MSANTD2: variants seen among roughly 807,000 people sequenced by gnomAD.
MSANTD2 encodes Myb/SANT DNA binding domain containing 2, also known as myb/SANT-like DNA-binding domain-containing protein 2.
In MSANTD2, 19 loss-of-function variants were observed where a neutral mutation model predicts 52.6. The observed-to-expected ratio is 0.36, with a 90% confidence interval of 0.25 to 0.53. MSANTD2 has a LOEUF of 0.53. MSANTD2 is among the 20% of genes least tolerant of loss of function. The pLI is 0.91. For synonymous variants in MSANTD2, 291 were observed against 289.7 expected (o/e 1.00, Z -0.04); for missense variants, 558 against 716.3 (o/e 0.78, Z 2.52).
In MSANTD2 at chr11:124,800,060, G is replaced by A. The variant is rs1014938226; in HGVS notation, c.321C>T (p.Ala107=). The A allele has an allele frequency of 2.6e-6, 4 of 1,549,824 alleles. No individual in the cohort carries two copies. The highest frequency in any genetic ancestry group is 1.2e-5 in the South Asian group (1 of 85,018). Residue 107 remains alanine (A), a synonymous_variant, in exon 1 of 4, where the codon GCC becomes GCT. Transcript: ENST00000374979. The surrounding 1 kb of genome is among the most constrained non-coding windows in gnomAD (Gnocchi z 4.3). The part of the protein sequence containing the change: ...AACRGMSWTP[A]ETNALIAVWG... ...ACACTGCGATGAGCGCGTTCGTCTC[G>A]GCTGGCGTCCACGACATGCCCCGGC... is the stretch of plus-strand genomic sequence containing the variant.
In MSANTD2 at chr11:124,784,111, T is replaced by G. The variant is rs534997556; in HGVS notation, c.511-9137A>C. The G allele has an allele frequency of 2.9e-5, 29 of 984,368 alleles. No homozygotes were observed. In the African/African-American group the frequency reaches 4.4e-4, roughly 15 times the overall value. The allele number at this position is 984,368 out of a possible 1,614,324, so 61.0% of individuals were successfully genotyped here. A position where few individuals can be genotyped will look rare whatever the true frequency, so the allele number is the denominator to read the frequency against. ...AGGTAGTAGCTACAGTCACCAAAGA[T>G]AGCAGATAACACTATTTGTCTAGAA... On this transcript the variant is annotated intron_variant, in intron 1 of 3. Coordinates refer to ENST00000374979, the MANE Select transcript of MSANTD2 (RefSeq NM_001308027.2).
At chr11:124,797,717 G>A (rs1945539223) in intron 1 of MSANTD2, among the ~76,000 whole-genome samples, 1 of 152,146 alleles carries the variant, frequency 6.6e-6, no homozygotes, top group South Asian at 2.1e-4. Context: ...CTTGTTAACA[G>A]CTACTATGGA....
At chr11:124,773,189 CA>C in intron 2 of MSANTD2, 135 bp from the exon 3 acceptor site, 1 of 588,328 alleles carries the variant, frequency 1.7e-6, no homozygotes, top group Non-Finnish European at 3.0e-6. Flanking sequence ...AAACACTGTC[CA>C]ATGTCAGATT....
At chr11:124,771,576 C>T (rs1380562277) in intron 3 of MSANTD2, among the ~76,000 whole-genome samples, 4 of 152,286 alleles carry the variant, frequency 2.6e-5, no homozygotes, top group Admixed American at 6.5e-5. Flanking sequence ...TCGAGATCAA[C>T]CTGGCCAACA....
At chr11:124,795,905 A>C (rs550403614) in intron 1 of MSANTD2, among the ~76,000 whole-genome samples, 1 of 152,336 alleles carries the variant, frequency 6.6e-6, no homozygotes, top group East Asian at 1.9e-4. Flanking sequence ...TTCTTCTGGC[A>C]AACAAACAAA....
intron 1 of MSANTD2, among the ~76,000 whole-genome samples, chr11:124,796,145 T>G (rs1007189714): frequency 7.9e-5 from 12 of 152,166 alleles, no homozygotes; most frequent in Non-Finnish European, 1.6e-4. Flanking sequence ...AATCCAAGAG[T>G]TAAATTATTA....
At chr11:124,797,946 A>T (rs115700271) in intron 1 of MSANTD2, among the ~76,000 whole-genome samples, 4,717 of 152,288 alleles carry the variant, frequency 0.031, 236 homozygotes, top group African/African-American at 0.1. Context: ...AGAGATTTAT[A>T]TTCAGTGAGG....
At chr11:124,791,868 T>C in intron 1 of MSANTD2, 1 of 423,406 alleles carries the variant, frequency 2.4e-6, no homozygotes, top group Non-Finnish European at 4.5e-6. Flanking sequence ...GCTCTACAGC[T>C]GGAGTGTCTG....
intron 1 of MSANTD2, chr11:124,775,587 AATT>A (rs1944711111): frequency 6.6e-6 from 1 of 152,626 alleles, no homozygotes; most frequent in African/African-American, 2.4e-5. Context: ...TAATGCTACA[AATT>A]CCAGGTCTCA....
intron 1 of MSANTD2, among the ~76,000 whole-genome samples, chr11:124,782,229 T>C (rs1040363853): frequency 3.3e-5 from 5 of 151,724 alleles, no homozygotes; most frequent in Non-Finnish European, 7.4e-5. Context: ...TGGAGGACGC[T>C]TCAAGGCCAG....
At chr11:124,783,000 T>C (rs534654092) in intron 1 of MSANTD2, among the ~76,000 whole-genome samples, 311 of 152,296 alleles carry the variant, frequency 2.0e-3, no homozygotes, top group Non-Finnish European at 3.5e-3. Context: ...CAAAGGGAGC[T>C]CTGCAGCCCT....
Position 124,779,875 on chromosome 11 carries a change from T to G in MSANTD2, c.511-4901A>C, listed in dbSNP as rs947941270. ...TGTGCTCCACGAGAGATGAAGAAATTACATTGGGAGTAAATTTCCAGTGAC... is the reference window on the plus strand; with the variant it reads ...TGTGCTCCACGAGAGATGAAGAAATGACATTGGGAGTAAATTTCCAGTGAC... On this transcript the variant is annotated intron_variant, in intron 1 of 3. Transcript: ENST00000374979. The surrounding 1 kb of genome is among the most constrained non-coding windows in gnomAD (Gnocchi z 4.6). Among the ~76,000 whole-genome samples the G allele has an allele frequency of 3.0e-4, 45 of 152,140 alleles. 1 individual carries two copies. The highest frequency in any genetic ancestry group is 9.9e-4 in the African/African-American group (41 of 41,454).
intron 1 of MSANTD2, among the ~76,000 whole-genome samples, chr11:124,778,350 G>A (rs1298989203): frequency 1.3e-5 from 2 of 152,092 alleles, no homozygotes; most frequent in African/African-American, 4.8e-5. Context: ...TTAAGGTCTG[G>A]GGCAGGGGCA....
intron 1 of MSANTD2, among the ~76,000 whole-genome samples, chr11:124,778,728 G>C (rs1944840176): frequency 6.6e-6 from 1 of 152,182 alleles, no homozygotes; most frequent in Admixed American, 6.5e-5. Context: ...CATTACCAAA[G>C]CAGGGAGAAA....
chr11:124,789,461 T>A (rs76087149), intron 1 of MSANTD2: 187 of 152,314 alleles, frequency 1.2e-3, no homozygotes, highest in African/African-American at 4.3e-3. Context: ...TGAAGTAATA[T>A]TTGATAGCCC....
At chr11:124,785,807 A>G (rs533956319) in intron 1 of MSANTD2, among the ~76,000 whole-genome samples, 1 of 151,126 alleles carries the variant, frequency 6.6e-6, no homozygotes, top group African/African-American at 2.4e-5. Flanking sequence ...TATATGTATC[A>G]TATTTATATA....
chr11:124,767,950 T>G lies in MSANTD2; in HGVS notation c.906A>C (p.Thr302=). The change falls in exon 4 of 4, where the codon ACA becomes ACC. Residue 302 remains threonine, a synonymous_variant. Coordinates refer to ENST00000374979, the MANE Select transcript of MSANTD2 (RefSeq NM_001308027.2). The surrounding 1 kb of genome is among the most constrained non-coding windows in gnomAD (Gnocchi z 6.5). ...QLKWELFQSW[T]DFSRLHLSNK... ...TAGAAAGATGGAGCCTTGAAAAGTC[T>G]GTCCAGCTCTGAAAAAGTTCCCATT... 6.2e-7 allele frequency: 1 copy of G among 1,614,240 alleles called. No individual in the cohort carries two copies. Among genetic ancestry groups the G allele is most frequent in the Non-Finnish European group, 8.5e-7 (1 of 1,180,016 alleles).
At chr11:124,769,019 TAACCTATAAAA>T (rs1407496642) in intron 3 of MSANTD2, among the ~76,000 whole-genome samples, 2 of 152,202 alleles carry the variant, frequency 1.3e-5, no homozygotes, top group Admixed American at 6.5e-5. Context: ...ATTACGGGTT[TAACCTATAAAA>T]ACACTCAACT....
intron 1 of MSANTD2, among the ~76,000 whole-genome samples, chr11:124,794,293 A>G (rs1005929157): frequency 6.6e-6 from 1 of 152,254 alleles, no homozygotes; most frequent in Admixed American, 6.5e-5. Flanking sequence ...AATTCTACTC[A>G]TTCAGTTTTA....
Sources: allele counts gnomAD v4.1 joint callset (sites outside exome capture counted in the v4.1 genomes callset), GRCh38; gene constraint gnomAD v4.1.1; non-coding constraint Gnocchi (gnomAD v3.1); transcripts MANE v1.5; gene names NCBI Gene and HGNC (gene_info 2026-07-23, HGNC 2026-07-21).